Variants in PANK2 observed in about 807,000 individuals in gnomAD.
PANK2 encodes the protein pantothenate kinase 2, mitochondrial.
Under a neutral mutation model 43.1 loss-of-function variants are expected in PANK2, and 36 were observed. The observed-to-expected ratio is 0.84, with a 90% confidence interval of 0.64 to 1.10. The LOEUF (loss-of-function observed/expected upper bound fraction) is 1.10, where lower values mean the gene tolerates loss of function less well. Among genes scored for constraint, PANK2 ranks in the 50% least tolerant of loss-of-function variants. The pLI, the probability that PANK2 is intolerant of heterozygous loss-of-function variation, is 0.00. For synonymous variants in PANK2, 281 were observed against 238.2 expected (o/e 1.18, Z -1.66); for missense variants, 576 against 593.3 (o/e 0.97, Z 0.30).
intron 3 of PANK2, among the ~76,000 whole-genome samples, chr20:3,912,021 TAGA>T (rs1288256508): frequency 3.3e-5 from 5 of 152,118 alleles, no homozygotes; most frequent in South Asian, 2.1e-4. Context: ...GTGATTTAAA[TAGA>T]GGAGTAATTT....
At chr20:3,897,497 T>A (rs1205053214) in intron 1 of PANK2, among the ~76,000 whole-genome samples, 2 of 151,760 alleles carry the variant, frequency 1.3e-5, no homozygotes, top group African/African-American at 4.8e-5. Context: ...GCTTAGGAGT[T>A]TGAGACCAGT....
At chr20:3,904,110 A>G (rs1195268450) in intron 1 of PANK2, among the ~76,000 whole-genome samples, 3 of 151,868 alleles carry the variant, frequency 2.0e-5, no homozygotes, top group Non-Finnish European at 2.9e-5. Flanking sequence ...TGCATTTTCA[A>G]AAGTTTCATA....
At chr20:3,901,166 C>T (rs901753647) in intron 1 of PANK2, among the ~76,000 whole-genome samples, 1 of 151,752 alleles carries the variant, frequency 6.6e-6, no homozygotes, top group Non-Finnish European at 1.5e-5. Context: ...AAGCGATCTT[C>T]CTGCCTCAGC....
At chr20:3,896,853 G>A (rs2090217906) in intron 1 of PANK2, among the ~76,000 whole-genome samples, 1 of 152,280 alleles carries the variant, frequency 6.6e-6, no homozygotes, top group African/African-American at 2.4e-5. Flanking sequence ...ACCAGTAAAT[G>A]TGTTTCTTAG....
At position 3,907,980 on chromosome 20, in the gene PANK2, T is replaced by C. The variant is rs1360807330; in HGVS notation, c.353T>C (p.Phe118Ser). The C allele has an allele frequency of 4.3e-6, 7 of 1,614,058 alleles. No homozygotes were observed. Among genetic ancestry groups the C allele is most frequent in the Non-Finnish European group, 5.9e-6 (7 of 1,180,042 alleles). ...GGAACTCTGGTCAAGCTGGTATATT[T>C]TGAACCCAAAGACATCACTGCTGAA... The change falls in exon 2 of 7, where the codon TTT becomes TCT. Residue 118 changes from phenylalanine (F) to serine (S), a missense_variant. Physicochemically the swap from Phe to Ser is radical, Grantham distance 155. This residue lies in a region of PANK2 where 544 missense variants were observed against 528.9 expected (regional missense o/e 1.03). Coordinates refer to ENST00000610179, the MANE Select transcript of PANK2 (RefSeq NM_001386393.1).
Position 3,928,194 on chromosome 20 carries a change from C to T in PANK2, c.*4900C>T, listed in dbSNP as rs1356664618. The T allele has an allele frequency of 6.6e-6, 1 of 152,190 alleles. No individual in the cohort carries two copies. Among genetic ancestry groups the T allele is most frequent in the Non-Finnish European group, 1.5e-5 (1 of 68,042 alleles). The allele number at this position is 152,190 out of a possible 1,614,324, so 9.4% of individuals were successfully genotyped here. On this transcript the variant is annotated 3_prime_UTR_variant, in exon 7 of 7. Transcript: ENST00000610179. Reference sequence around the variant, plus strand: ...TGTAACAGCTACAGGAAAAGACACACCCAGGGCCAGAGATTCTACAAATGC... The same window carrying T: ...TGTAACAGCTACAGGAAAAGACACATCCAGGGCCAGAGATTCTACAAATGC...
intron 1 of PANK2, among the ~76,000 whole-genome samples, chr20:3,894,539 C>T (rs1234532195): frequency 6.6e-6 from 1 of 152,058 alleles, no homozygotes; most frequent in Non-Finnish European, 1.5e-5. Context: ...CGCACCTGGC[C>T]TGAAGGTGTT....
Position 3,889,720 on chromosome 20 carries a change from AG to A in PANK2, c.291del (p.Lys97AsnfsTer46). ...CAGCGCGTCGAAAGCCTGAGGAAAAAGCGGCCGCGTAAGTGTTCCGTGGGGC... is the reference window on the plus strand; with the variant it reads ...CAGCGCGTCGAAAGCCTGAGGAAAAACGGCCGCGTAAGTGTTCCGTGGGGC... On this transcript the variant is annotated frameshift_variant, in exon 1 of 7. Transcript: ENST00000610179. LOFTEE classifies it high-confidence loss of function. 5.6e-6 allele frequency: 9 copies of A among 1,595,770 alleles called. No homozygotes were observed. Among genetic ancestry groups the A allele is most frequent in the Non-Finnish European group, 6.8e-6 (8 of 1,179,026 alleles).
intron 5 of PANK2, among the ~76,000 whole-genome samples, chr20:3,918,184 A>C (rs913303783): frequency 6.6e-6 from 1 of 152,122 alleles, no homozygotes; most frequent in Non-Finnish European, 1.5e-5. Context: ...GAGTGGATTA[A>C]TTTTACTACA....
Position 3,889,571 on chromosome 20 carries a change from G to A in PANK2, c.141G>A (p.Gly47=). Residue 47 remains glycine (G), a synonymous_variant, in exon 1 of 7, where the codon GGG becomes GGA. Coordinates refer to ENST00000610179, the MANE Select transcript of PANK2 (RefSeq NM_001386393.1). Reference sequence around the variant, plus strand: ...AGCAGGCGGCCGGGGACCCCGAAGGGCGGCGGCAGGAGCCACTGCGGCGCC... The same window carrying A: ...AGCAGGCGGCCGGGGACCCCGAAGGACGGCGGCAGGAGCCACTGCGGCGCC... The A allele has an allele frequency of 6.9e-7, 1 of 1,451,442 alleles. No individual in the cohort carries two copies. Among genetic ancestry groups the A allele is most frequent in the East Asian group, 2.8e-5 (1 of 35,726 alleles). 89.9% of individuals were successfully genotyped at this position (1,451,442 alleles called of 1,614,324 possible).
At chr20:3,911,577 C>T (rs1213418549) in intron 3 of PANK2, among the ~76,000 whole-genome samples, 1 of 119,576 alleles carries the variant, frequency 8.4e-6, no homozygotes, top group Non-Finnish European at 1.8e-5. Context: ...GAGTGAGACT[C>T]CGTCTCAAAA....
At chr20:3,912,878 A>AG (rs2090490222) in intron 4 of PANK2, among the ~76,000 whole-genome samples, 1 of 118,558 alleles carries the variant, frequency 8.4e-6, no homozygotes, top group African/African-American at 3.1e-5. Context: ...TGAACCCTGG[A>AG]GGTGGAGGGT....
rs1190886602 is a variant in PANK2, at chr20:3,910,768, C to T, written c.843C>T (p.Gly281=). The T allele has an allele frequency of 3.1e-6, 5 of 1,614,104 alleles. No homozygotes were observed. The highest frequency in any genetic ancestry group is 4.2e-6 in the Non-Finnish European group (5 of 1,179,996). Reference sequence around the variant, plus strand: ...ATCCTCTGCTTCTGGTGAACATTGGCTCAGGGGTTAGCATCTTAGCAGTAT... The same window carrying T: ...ATCCTCTGCTTCTGGTGAACATTGGTTCAGGGGTTAGCATCTTAGCAGTAT... The change falls in exon 3 of 7, where the codon GGC becomes GGT. Residue 281 remains glycine, a synonymous_variant. Coordinates refer to ENST00000610179, the MANE Select transcript of PANK2 (RefSeq NM_001386393.1).
Position 3,889,664 on chromosome 20 carries a change from C to T in PANK2, c.234C>T (p.Gly78=). ...AGGGCACGAGGCGGGATCGACTGGG[C>T]TCTTACAGCGGCCCCACCTCGGTCT... Residue 78 remains glycine, a synonymous_variant, in exon 1 of 7, where the codon GGC becomes GGT. Transcript: ENST00000610179. 1 of 1,589,780 alleles carries T rather than the reference C, an allele frequency of 6.3e-7. No homozygotes were observed. Among genetic ancestry groups the T allele is most frequent in the Non-Finnish European group, 8.5e-7 (1 of 1,176,394 alleles).
At chr20:3,889,962 G>A in intron 1 of PANK2, 1 of 1,515,478 alleles carries the variant, frequency 6.6e-7, no homozygotes, top group Non-Finnish European at 8.8e-7. Flanking sequence ...TGGAGTGGAG[G>A]GCTTTTCCCC....
intron 6 of PANK2, among the ~76,000 whole-genome samples, chr20:3,920,538 C>A (rs1480135666): frequency 1.4e-5 from 2 of 147,572 alleles, no homozygotes; most frequent in Non-Finnish European, 3.0e-5. Flanking sequence ...CAAACAACAA[C>A]AACAAAACAA....
At chr20:3,890,634 A>G (rs1600482257) in intron 1 of PANK2, among the ~76,000 whole-genome samples, 2 of 152,152 alleles carry the variant, frequency 1.3e-5, no homozygotes. Context: ...CCAGATTCCT[A>G]TTTCAGGAAA....
At chr20:3,920,183 G>A (rs2090624318) in intron 6 of PANK2, among the ~76,000 whole-genome samples, 1 of 150,782 alleles carries the variant, frequency 6.6e-6, no homozygotes, top group Non-Finnish European at 1.5e-5. Flanking sequence ...CTTTTCCTAG[G>A]TAGAACATGG....
At chr20:3,892,570 G>A (rs994601436) in intron 1 of PANK2, among the ~76,000 whole-genome samples, 1 of 151,474 alleles carries the variant, frequency 6.6e-6, no homozygotes, top group Non-Finnish European at 1.5e-5. Flanking sequence ...GCAGCTACTC[G>A]GGAGGCTGAG....
Sources: allele counts gnomAD v4.1 joint callset (sites outside exome capture counted in the v4.1 genomes callset), GRCh38; gene constraint gnomAD v4.1.1; regional missense constraint gnomAD v4.1.1; transcripts MANE v1.5; gene names NCBI Gene and HGNC (gene_info 2026-07-23, HGNC 2026-07-21).